The following SGF29 variants were observed in gnomAD, a reference collection of about 807,000 sequenced individuals.
SGF29 encodes the protein SAGA complex associated factor 29.
A neutral mutation model predicts 38.1 loss-of-function variants in SGF29; 15 were observed. The ratio of observed to expected loss-of-function variants is 0.39; its 90% CI spans 0.26 to 0.61. The LOEUF (loss-of-function observed/expected upper bound fraction) is 0.61, where lower values mean the gene tolerates loss of function less well. SGF29 is among the 20% of genes least tolerant of loss of function. The probability of loss-of-function intolerance (pLI) is 0.49; values close to 1 mark genes in which losing one functional copy is unlikely to be tolerated. For synonymous variants in SGF29, 151 were observed against 160.8 expected, an observed-to-expected ratio of 0.94 and a Z score of 0.46; for missense variants, 184 against 394.6, an observed-to-expected ratio of 0.47 and a Z score of 4.52.
chr16:28,572,959 C>A (rs2046873586), intron 1 of SGF29, among the ~76,000 whole-genome samples: 1 of 152,174 alleles, frequency 6.6e-6, no homozygotes, highest in African/African-American at 2.4e-5. Flanking sequence ...TTCTTGCTCG[C>A]TGGCCTCCCA....
intron 1 of SGF29, among the ~76,000 whole-genome samples, chr16:28,559,204 C>T (rs186831310): frequency 2.8e-4 from 43 of 152,132 alleles, no homozygotes; most frequent in Non-Finnish European, 4.6e-4. Flanking sequence ...CCTGTAGTCC[C>T]AGCCACTTGG....
intron 1 of SGF29, among the ~76,000 whole-genome samples, chr16:28,564,700 TATATATACATATATATGTATATATATAC>T (rs2046820461): frequency 1.2e-5 from 1 of 80,886 alleles, no homozygotes; most frequent in African/African-American, 5.0e-5. Flanking sequence ...TATATATGTA[TATATATACATATATATGTATATATATAC>T]ATATATATGT....
rs765937577 is a variant in SGF29, at chr16:28,581,038, C to G, written c.-15-17C>G. ...AGCCACTAACAGAGTTCTCTTCTGT[C>G]CTCGCTCCCCCACCAGGTGCCCCTG... On this transcript the variant is annotated splice_polypyrimidine_tract_variant and intron_variant, in intron 1 of 9. Coordinates refer to ENST00000317058, the MANE Select transcript of SGF29 (RefSeq NM_138414.3). The G allele has an allele frequency of 1.9e-6, 3 of 1,597,660 alleles. No individual in the cohort carries two copies. The highest frequency in any genetic ancestry group is 2.6e-6 in the Non-Finnish European group (3 of 1,166,748).
chr16:28,576,773 A>G (rs1278929908), intron 1 of SGF29, among the ~76,000 whole-genome samples: 1 of 152,214 alleles, frequency 6.6e-6, no homozygotes, highest in Non-Finnish European at 1.5e-5. Context: ...TATTCATAAT[A>G]GCCAAAAAAA....
At chr16:28,559,219 C>A (rs1189677301) in intron 1 of SGF29, among the ~76,000 whole-genome samples, 1 of 152,054 alleles carries the variant, frequency 6.6e-6, no homozygotes, top group Admixed American at 6.6e-5. Context: ...ACTTGGGAGG[C>A]TGGGGCAGGA....
intron 1 of SGF29, among the ~76,000 whole-genome samples, chr16:28,573,481 C>T (rs1003186345): frequency 6.6e-6 from 1 of 152,124 alleles, no homozygotes; most frequent in South Asian, 2.1e-4. Flanking sequence ...GAAGCAGCAC[C>T]GGATCCCTGC....
chr16:28,584,011 T>C (rs1327814362), intron 2 of SGF29, among the ~76,000 whole-genome samples: 3 of 152,042 alleles, frequency 2.0e-5, no homozygotes, highest in East Asian at 1.9e-4. Context: ...TCACTTATGA[T>C]TTAACTTTAA....
At chr16:28,564,687 G>GTATACATATATACATATATA (rs2046819464) in intron 1 of SGF29, among the ~76,000 whole-genome samples, 3 of 47,090 alleles carry the variant, frequency 6.4e-5, no homozygotes, top group Non-Finnish European at 1.6e-4. Context: ...ATATATATGT[G>GTATACATATATACATATATA]TATATATATG....
intron 1 of SGF29, among the ~76,000 whole-genome samples, chr16:28,564,539 G>GTATATATGTATGTA (rs2046811021): frequency 2.2e-5 from 2 of 89,044 alleles, no homozygotes; most frequent in Non-Finnish European, 4.8e-5. Flanking sequence ...ATATATATAT[G>GTATATATGTATGTA]TATATATATA....
chr16:28,590,109 C>G lies in SGF29; in HGVS notation c.303C>G (p.Ala101=), dbSNP rs150312488. ...LEERRIAAKI[A]GLYNDSEPPR... is the part of the protein sequence containing the mutation. ...TCCTTCCCACAGCGGCCAAGATTGC[C>G]GGTCTCTACAATGACTCGGAGCCAC... Residue 101 remains alanine (A), a synonymous_variant, in exon 6 of 10, where the codon GCC becomes GCG. Coordinates refer to ENST00000317058, the MANE Select transcript of SGF29 (RefSeq NM_138414.3). This position sits in a 1 kb window ranked among gnomAD's most constrained non-coding sequence, Gnocchi z 8.2. The G allele has an allele frequency of 8.1e-6, 13 of 1,611,276 alleles. No individual in the cohort carries two copies. The highest frequency in any genetic ancestry group is 2.2e-5 in the East Asian group (1 of 44,818).
chr16:28,553,964 CG>C lies in SGF29; in HGVS notation c.-147del, dbSNP rs2046725610. 6.6e-6 allele frequency: 1 copy of C among 152,180 alleles called. No individual in the cohort carries two copies. The highest frequency in any genetic ancestry group is 1.5e-5 in the Non-Finnish European group (1 of 68,026). The allele number at this position is 152,180 out of a possible 1,614,324, so 9.4% of individuals were successfully genotyped here. A position where few individuals can be genotyped will look rare whatever the true frequency, so the allele number is the denominator to read the frequency against. On this transcript the variant is annotated 5_prime_UTR_variant, in exon 1 of 10. Transcript: ENST00000317058. ...TCATAAAAGGAAAAAAAAGCGTGTG[CG>C]GTTCTCGACGTGCCGCCAATCTTCG...
intron 4 of SGF29, among the ~76,000 whole-genome samples, chr16:28,586,799 A>C (rs2046958335): frequency 1.3e-5 from 2 of 152,150 alleles, no homozygotes; most frequent in South Asian, 4.1e-4. Flanking sequence ...CCATTGGTTA[A>C]AGTGGTATTT....
intron 1 of SGF29, among the ~76,000 whole-genome samples, chr16:28,554,605 C>T (rs1332023532): frequency 1.3e-5 from 2 of 152,216 alleles, no homozygotes; most frequent in Non-Finnish European, 2.9e-5. Context: ...CCCCCGCGCC[C>T]GGCCAAAAAA....
chr16:28,581,110 T>C lies in SGF29; in HGVS notation c.41T>C (p.Leu14Pro). 1 of 1,614,078 alleles carries C rather than the reference T, an allele frequency of 6.2e-7. No individual in the cohort carries two copies. The highest frequency in any genetic ancestry group is 8.5e-7 in the Non-Finnish European group (1 of 1,179,998). Residue 14 changes from leucine to proline, a missense_variant, in exon 2 of 10, where the codon CTC becomes CCC. Transcript: ENST00000317058. ...VSADSRIAEL[L>P]TELHQLIKQT... ...GCCGATTCCCGCATTGCAGAACTTC[T>C]CACAGAGCTCCATCAGCTGATCAAA...
At chr16:28,585,539 G>T in intron 3 of SGF29, 109 bp from the exon 4 acceptor site, 1 of 998,020 alleles carries the variant, frequency 1.0e-6, no homozygotes. Context: ...TCTGACTGCA[G>T]CTACGGCCTC....
intron 1 of SGF29, among the ~76,000 whole-genome samples, chr16:28,564,517 ATATG>A (rs1212426900): frequency 7.3e-6 from 1 of 137,152 alleles, no homozygotes; most frequent in African/African-American, 2.7e-5. Context: ...GTGTATATAT[ATATG>A]TGTGTGTATA....
intron 1 of SGF29, among the ~76,000 whole-genome samples, chr16:28,562,365 AGTT>A (rs1423876897): frequency 6.6e-6 from 1 of 152,152 alleles, no homozygotes; most frequent in Non-Finnish European, 1.5e-5. Flanking sequence ...AGAACTTTAC[AGTT>A]GTTCTCTCCC....
intron 9 of SGF29, among the ~76,000 whole-genome samples, chr16:28,591,144 A>G (rs1264066547): frequency 6.6e-6 from 1 of 152,128 alleles, no homozygotes; most frequent in East Asian, 1.9e-4. Context: ...GCCCCGAGTC[A>G]GTGGCTTCCA....
chr16:28,584,832 A>T, intron 2 of SGF29, 81 bp from the exon 3 acceptor site: 1 of 814,976 alleles, frequency 1.2e-6, no homozygotes, highest in Non-Finnish European at 2.0e-6. Flanking sequence ...TATTTTGGGG[A>T]TGGGGACTCT....
Sources: gnomAD v4.1 joint callset for allele counts (sites outside exome capture counted in the v4.1 genomes callset) on GRCh38, gnomAD v4.1.1 for gene constraint, Gnocchi (gnomAD v3.1) non-coding constraint, MANE v1.5 for transcripts, NCBI Gene and HGNC (gene_info 2026-07-23, HGNC 2026-07-21) for gene names.